The following ADAMTS19 variants were observed in gnomAD, a reference collection of about 807,000 sequenced individuals.
ADAMTS19 encodes the protein ADAM metallopeptidase with thrombospondin type 1 motif 19.
Under a neutral mutation model 153.3 loss-of-function variants are expected in ADAMTS19, and 93 were observed. The observed-to-expected ratio is 0.61, with a 90% CI of 0.51 to 0.72. The LOEUF (loss-of-function observed/expected upper bound fraction) is 0.72. Among genes scored for constraint, ADAMTS19 ranks in the 30% least tolerant of loss-of-function variants. The pLI, the probability that ADAMTS19 is intolerant of heterozygous loss-of-function variation, is 0.00. For synonymous variants in ADAMTS19, 600 were observed against 556.6 expected (o/e 1.08, Z -1.10); for missense variants, 1,482 against 1,552.1 (o/e 0.95, Z 0.76).
intron 8 of ADAMTS19, among the ~76,000 whole-genome samples, chr5:129,615,370 T>C (rs939343955): frequency 2.6e-5 from 4 of 152,056 alleles, no homozygotes; most frequent in Non-Finnish European, 5.9e-5. Context: ...GATTTCATCC[T>C]GTAGATCATT....
At chr5:129,622,967 A>G (rs2126981410) in intron 10 of ADAMTS19, among the ~76,000 whole-genome samples, 1 of 152,062 alleles carries the variant, frequency 6.6e-6, no homozygotes, top group East Asian at 1.9e-4. Flanking sequence ...ACAAACGGGG[A>G]GGGCCAACTG....
chr5:129,694,055 T>C (rs924821562), intron 18 of ADAMTS19, among the ~76,000 whole-genome samples: 2 of 152,106 alleles, frequency 1.3e-5, no homozygotes, highest in African/African-American at 4.8e-5. Context: ...ATTAGGGAGA[T>C]TAACTTTATG....
chr5:129,540,265 A>G (rs1752612049), intron 6 of ADAMTS19, among the ~76,000 whole-genome samples: 2 of 152,076 alleles, frequency 1.3e-5, no homozygotes, highest in African/African-American at 4.8e-5. Flanking sequence ...CATAAAATGC[A>G]TAATGCTTCT....
intron 6 of ADAMTS19, 100 bp from the exon 7 acceptor site, chr5:129,551,764 G>A (rs1454160246): frequency 4.5e-6 from 3 of 670,400 alleles, no homozygotes; most frequent in African/African-American, 1.9e-5. Context: ...GATGACAGAT[G>A]TGCTTCAATT....
At chr5:129,484,389 A>C (rs1191220245) in intron 2 of ADAMTS19, among the ~76,000 whole-genome samples, 1 of 152,146 alleles carries the variant, frequency 6.6e-6, no homozygotes, top group Non-Finnish European at 1.5e-5. Context: ...AGATGTAACA[A>C]CGATTCCAAA....
chr5:129,460,965 G>A, intron 1 of ADAMTS19, 137 bp from the exon 2 acceptor site: 1 of 1,231,994 alleles, frequency 8.1e-7, no homozygotes, highest in Non-Finnish European at 1.0e-6. Flanking sequence ...GGGTTGCAGA[G>A]TTTCAGGGTC....
At chr5:129,606,378 C>A (rs1750893510) in intron 8 of ADAMTS19, among the ~76,000 whole-genome samples, 1 of 152,216 alleles carries the variant, frequency 6.6e-6, no homozygotes, top group African/African-American at 2.4e-5. Flanking sequence ...CCATCTTTAA[C>A]TCTTTCTCCC....
intron 17 of ADAMTS19, among the ~76,000 whole-genome samples, chr5:129,680,776 C>CA (rs551460047): frequency 2.3e-3 from 309 of 135,276 alleles, no homozygotes; most frequent in Middle Eastern, 7.5e-3. Context: ...AAAAAAAAAA[C>CA]AAAAAAAAAA....
At chr5:129,680,592 A>G (rs955149177) in intron 17 of ADAMTS19, among the ~76,000 whole-genome samples, 4 of 152,004 alleles carry the variant, frequency 2.6e-5, no homozygotes, top group African/African-American at 9.7e-5. Flanking sequence ...CTCCGTCTCT[A>G]CTAAAAACAA....
intron 21 of ADAMTS19, among the ~76,000 whole-genome samples, chr5:129,725,906 G>A (rs1757190639): frequency 6.6e-6 from 1 of 152,102 alleles, no homozygotes; most frequent in Non-Finnish European, 1.5e-5. Flanking sequence ...CCCAAGTACA[G>A]AGAAGATTGT....
chr5:129,543,197 G>A (rs1331197421), intron 6 of ADAMTS19, among the ~76,000 whole-genome samples: 3 of 151,976 alleles, frequency 2.0e-5, no homozygotes, highest in African/African-American at 7.2e-5. Context: ...TTACAGGGAT[G>A]TGCCACCACA....
chr5:129,625,019 T>C (rs939818910), intron 10 of ADAMTS19, among the ~76,000 whole-genome samples: 1 of 149,234 alleles, frequency 6.7e-6, no homozygotes, highest in African/African-American at 2.5e-5. Context: ...TGGTGTATGA[T>C]ATTTTCCCCG....
chr5:129,714,384 AGT>A, intron 21 of ADAMTS19, among the ~76,000 whole-genome samples: 1 of 142,346 alleles, frequency 7.0e-6, no homozygotes, highest in Non-Finnish European at 1.5e-5. Flanking sequence ...GCGCCACTGC[AGT>A]CCGCAGTCCG....
intron 2 of ADAMTS19, among the ~76,000 whole-genome samples, chr5:129,467,401 T>G (rs1385350028): frequency 6.6e-6 from 1 of 152,162 alleles, no homozygotes; most frequent in Non-Finnish European, 1.5e-5. Context: ...GACCCCTTTT[T>G]CAGCGTCAGA....
intron 21 of ADAMTS19, among the ~76,000 whole-genome samples, chr5:129,729,059 T>G (rs1156579890): frequency 6.6e-6 from 1 of 152,096 alleles, no homozygotes; most frequent in East Asian, 1.9e-4. Context: ...TGACAGTAAC[T>G]TTTAATAATA....
At chr5:129,733,648 A>G (rs1487590473) in intron 21 of ADAMTS19, among the ~76,000 whole-genome samples, 1 of 152,098 alleles carries the variant, frequency 6.6e-6, no homozygotes, top group African/African-American at 2.4e-5. Context: ...CAAAAAGACA[A>G]AAAACAACAG....
At chr5:129,605,173 A>T (rs775192692) in intron 8 of ADAMTS19, among the ~76,000 whole-genome samples, 1 of 152,200 alleles carries the variant, frequency 6.6e-6, no homozygotes, top group Non-Finnish European at 1.5e-5. Context: ...TTTTCAAATT[A>T]GATTCAGGGA....
Position 129,738,615 on chromosome 5 carries a change from C to T in ADAMTS19, c.*1397C>T, listed in dbSNP as rs960644799. The stretch of plus-strand genomic sequence containing the variant: ...CTTTGGGAAATGGGGCTCAACGAGC[C>T]AGTACAGGAAAAGCTGATTCCCTGG... On this transcript the variant is annotated 3_prime_UTR_variant, in exon 23 of 23. Transcript: ENST00000274487. The T allele has an allele frequency of 6.6e-6, 1 of 151,974 alleles. No homozygotes were observed. The highest frequency in any genetic ancestry group is 1.5e-5 in the Non-Finnish European group (1 of 67,986). 9.4% of individuals were successfully genotyped at this position (151,974 alleles called of 1,614,324 possible).
chr5:129,640,308 A>G (rs1345046679), intron 10 of ADAMTS19, among the ~76,000 whole-genome samples: 1 of 152,182 alleles, frequency 6.6e-6, no homozygotes, highest in Non-Finnish European at 1.5e-5. Context: ...CAGTTCAGAA[A>G]TCTAAAGTAT....
Sources: gnomAD v4.1 joint callset for allele counts (sites outside exome capture counted in the v4.1 genomes callset) on GRCh38, gnomAD v4.1.1 for gene constraint, MANE v1.5 for transcripts, NCBI Gene and HGNC (gene_info 2026-07-23, HGNC 2026-07-21) for gene names.